The following CNTN3 variants were observed in gnomAD, a reference collection of about 807,000 sequenced individuals.
CNTN3 encodes contactin-3.
A neutral mutation model predicts 119.1 loss-of-function variants in CNTN3; 60 were observed. The ratio of observed to expected loss-of-function variants is 0.50; its 90% confidence interval spans 0.41 to 0.62. The LOEUF (loss-of-function observed/expected upper bound fraction) is 0.62. Ranked by LOEUF, CNTN3 falls within the 20% of genes least tolerant of loss-of-function variation. CNTN3 has a pLI of 0.00. For missense variants in CNTN3, 1,101 were observed against 1,242.4 expected, an observed-to-expected ratio of 0.89 and a Z score of 1.71; for synonymous variants, 450 against 438.7, an observed-to-expected ratio of 1.03 and a Z score of -0.32.
chr3:74,602,526 T>C (rs1704928322), intron 1 of CNTN3, among the ~76,000 whole-genome samples: 1 of 151,972 alleles, frequency 6.6e-6, no homozygotes, highest in Non-Finnish European at 1.5e-5. Flanking sequence ...CTTTAGTGGT[T>C]TGGTTTAGTT....
At chr3:74,419,882 C>T (rs147500165) in intron 5 of CNTN3, among the ~76,000 whole-genome samples, 1 of 152,216 alleles carries the variant, frequency 6.6e-6, no homozygotes, top group East Asian at 1.9e-4. Context: ...GGTAATTTTT[C>T]TCGTGTATTT....
chr3:74,300,609 T>G (rs1702435999), intron 16 of CNTN3, among the ~76,000 whole-genome samples: 1 of 152,196 alleles, frequency 6.6e-6, no homozygotes, highest in African/African-American at 2.4e-5. Context: ...CTATTTCTCA[T>G]ATTTCCTAGC....
intron 4 of CNTN3, among the ~76,000 whole-genome samples, chr3:74,470,090 A>G (rs988203220): frequency 2.0e-5 from 3 of 152,176 alleles, no homozygotes; most frequent in African/African-American, 7.2e-5. Flanking sequence ...CAAAGAACAC[A>G]CAGTGCATGA....
intron 4 of CNTN3, among the ~76,000 whole-genome samples, chr3:74,436,430 C>G (rs1701867331): frequency 6.6e-6 from 1 of 152,166 alleles, no homozygotes; most frequent in African/African-American, 2.4e-5. Context: ...GATCCACTCC[C>G]TCCATGGCAC....
At chr3:74,580,377 T>G (rs972488951) in intron 1 of CNTN3, among the ~76,000 whole-genome samples, 3 of 152,196 alleles carry the variant, frequency 2.0e-5, no homozygotes, top group African/African-American at 7.2e-5. Flanking sequence ...TCTTAACTCA[T>G]TCTATGAGAC....
intron 2 of CNTN3, among the ~76,000 whole-genome samples, chr3:74,506,610 C>T (rs1250765496): frequency 6.6e-6 from 1 of 151,666 alleles, no homozygotes; most frequent in Admixed American, 6.6e-5. Flanking sequence ...CATAATTATA[C>T]CTTTCTTGCT....
At chr3:74,579,775 A>T (rs1704474404) in intron 1 of CNTN3, among the ~76,000 whole-genome samples, 1 of 152,152 alleles carries the variant, frequency 6.6e-6, no homozygotes, top group Non-Finnish European at 1.5e-5. Flanking sequence ...GTTAAAAAGA[A>T]GTTTATAGTT....
intron 1 of CNTN3, among the ~76,000 whole-genome samples, chr3:74,594,273 C>CTTTTTTTTT (rs59436860): frequency 6.3e-4 from 71 of 111,970 alleles, no homozygotes; most frequent in East Asian, 1.3e-3. Context: ...TTCTTTTTTT[C>CTTTTTTTTT]TTTTTTTTTT....
intron 20 of CNTN3, among the ~76,000 whole-genome samples, chr3:74,275,622 TA>T (rs1701863913): frequency 6.6e-6 from 1 of 152,090 alleles, no homozygotes; most frequent in South Asian, 2.1e-4. Flanking sequence ...AAAGGAGCTC[TA>T]AATCTTGAAG....
At chr3:74,557,902 G>C (rs913733192) in intron 1 of CNTN3, among the ~76,000 whole-genome samples, 4 of 152,116 alleles carry the variant, frequency 2.6e-5, no homozygotes, top group African/African-American at 9.7e-5. Flanking sequence ...CAAGAACACT[G>C]AAGAAGCTGT....
At chr3:74,537,983 T>C (rs994495257) in intron 1 of CNTN3, among the ~76,000 whole-genome samples, 3 of 152,216 alleles carry the variant, frequency 2.0e-5, no homozygotes, top group South Asian at 2.1e-4. Context: ...GATGAATGAA[T>C]GACCCATGGC....
At chr3:74,507,596 C>A in intron 2 of CNTN3, among the ~76,000 whole-genome samples, 1 of 151,020 alleles carries the variant, frequency 6.6e-6, no homozygotes, top group South Asian at 2.1e-4. Context: ...CTTCTCCCTC[C>A]CTGTTTCTTT....
At chr3:74,395,964 T>G (rs1421908741) in intron 5 of CNTN3, among the ~76,000 whole-genome samples, 3 of 152,226 alleles carry the variant, frequency 2.0e-5, no homozygotes. Context: ...TTGTAATTTT[T>G]GGGGAGCTCC....
intron 1 of CNTN3, among the ~76,000 whole-genome samples, chr3:74,548,621 A>G (rs1278822898): frequency 1.3e-5 from 2 of 152,172 alleles, no homozygotes; most frequent in Non-Finnish European, 2.9e-5. Context: ...AATGTCGCCA[A>G]TAGGTTCTTG....
rs557372591 is a variant in CNTN3 at position 74,358,945 on chromosome 3, A to AT, written c.1364+2944dup. ...TCCCTACAGAGGACATGAACTCATC[A>AT]TTTTTTATGGCTGCATAGTATTCCA... is the stretch of plus-strand genomic sequence containing the variant. On this transcript the variant is annotated intron_variant, in intron 11 of 22. Transcript: ENST00000263665. 1.2e-4 allele frequency among the ~76,000 whole-genome samples: 18 copies of AT among 151,898 alleles called. No homozygotes were observed. The East Asian group carries it at 3.5e-3, about 30-fold the overall frequency.
chr3:74,444,780 G>A lies in CNTN3; in HGVS notation c.359-19840C>T, dbSNP rs547161179. Among the ~76,000 whole-genome samples the A allele has an allele frequency of 1.8e-4, 27 of 152,022 alleles. 1 individual carries two copies. The highest frequency in any genetic ancestry group is 5.8e-4 in the African/African-American group (24 of 41,478). ...ATTTTCTCAATTATAACCCTATCAG[G>A]TACTAGCTGAATATGGGCTTTCTTC... On this transcript the variant is annotated intron_variant, in intron 4 of 22. Coordinates refer to ENST00000263665, the MANE Select transcript of CNTN3 (RefSeq NM_020872.3).
rs947944538 is a variant in CNTN3, at chr3:74,362,115, T to C, written c.1214-75A>G. 5 of 1,547,308 alleles carry C rather than the reference T, an allele frequency of 3.2e-6. No homozygotes were observed. In the African/African-American group the frequency reaches 4.1e-5, roughly 13 times the overall value. ...CTTGTCAATTTCAAAGGTCCACTTTTACAGTTTTAAAAGTTTTCTTTACAT... is the reference window on the plus strand; with the variant it reads ...CTTGTCAATTTCAAAGGTCCACTTTCACAGTTTTAAAAGTTTTCTTTACAT... On this transcript the variant is annotated intron_variant, in intron 10 of 22. Coordinates refer to ENST00000263665, the MANE Select transcript of CNTN3 (RefSeq NM_020872.3).
At chr3:74,293,900 T>C (rs1428488836) in intron 19 of CNTN3, among the ~76,000 whole-genome samples, 1 of 152,224 alleles carries the variant, frequency 6.6e-6, no homozygotes, top group Non-Finnish European at 1.5e-5. Context: ...TTGAGAAGTC[T>C]GAACTGAGCC....
At chr3:74,592,629 T>C (rs1399894707) in intron 1 of CNTN3, among the ~76,000 whole-genome samples, 1 of 151,948 alleles carries the variant, frequency 6.6e-6, no homozygotes, top group East Asian at 1.9e-4. Context: ...GAGTCACTGT[T>C]TTCCTGAAGG....
Sources: gnomAD v4.1 joint callset for allele counts (sites outside exome capture counted in the v4.1 genomes callset) on GRCh38, gnomAD v4.1.1 for gene constraint, MANE v1.5 for transcripts, NCBI Gene and HGNC (gene_info 2026-07-23, HGNC 2026-07-21) for gene names.